Variants in NEK5 observed in about 807,000 individuals in gnomAD.
NEK5 encodes the protein serine/threonine-protein kinase Nek5.
Under a neutral mutation model 109.2 loss-of-function variants are expected in NEK5, and 88 were observed. The ratio of observed to expected loss-of-function variants is 0.81; its 90% CI spans 0.68 to 0.96. The LOEUF (loss-of-function observed/expected upper bound fraction) is 0.96. Among genes scored for constraint, NEK5 ranks in the 40% least tolerant of loss-of-function variants. The probability of loss-of-function intolerance (pLI) is 0.00; values close to 1 mark genes in which losing one functional copy is unlikely to be tolerated. For synonymous variants in NEK5, 283 were observed against 299.9 expected (o/e 0.94, Z 0.58); for missense variants, 834 against 920.7 (o/e 0.91, Z 1.22).
chr13:52,079,542 T>TC (rs1321228946), intron 17 of NEK5, among the ~76,000 whole-genome samples: 1 of 152,286 alleles, frequency 6.6e-6, no homozygotes, highest in East Asian at 1.9e-4. Flanking sequence ...CAGCGAGTGA[T>TC]CCGCCAGCCT....
chr13:52,071,976 TTGTC>T lies in NEK5; in HGVS notation c.1813_1816del (p.Asp605LysfsTer18). On this transcript the variant is annotated frameshift_variant, in exon 20 of 24. Transcript: ENST00000684899. LOFTEE classifies it high-confidence loss of function. ...TGGGCAGTGAAGTTTTTCAAATGCT[TTGTC>T]TGTATAATCTCCATGCTCCTTTACA... 1.2e-6 allele frequency: 2 copies of T among 1,612,890 alleles called. No individual in the cohort carries two copies. The highest frequency in any genetic ancestry group is 1.1e-5 in the South Asian group (1 of 91,022).
At chr13:52,095,503 A>G (rs115908617) in intron 12 of NEK5, among the ~76,000 whole-genome samples, 1,895 of 152,342 alleles carry the variant, frequency 0.012, 40 homozygotes, top group African/African-American at 0.044. Flanking sequence ...AATTTAATTC[A>G]TCCTCAAATC....
chr13:52,123,043 T>TG (rs1253374729), intron 3 of NEK5, among the ~76,000 whole-genome samples: 1 of 152,226 alleles, frequency 6.6e-6, no homozygotes, highest in African/African-American at 2.4e-5. Context: ...AATGGTAGGA[T>TG]GATAAGAGAA....
chr13:52,106,477 T>A (rs561997443), intron 8 of NEK5, among the ~76,000 whole-genome samples: 1 of 152,290 alleles, frequency 6.6e-6, no homozygotes, highest in Non-Finnish European at 1.5e-5. Flanking sequence ...TTAGCATTAC[T>A]GCTGAGGGCC....
chr13:52,058,068 A>C (rs957055785), intron 22 of NEK5, among the ~76,000 whole-genome samples: 2 of 151,806 alleles, frequency 1.3e-5, no homozygotes, highest in African/African-American at 4.8e-5. Flanking sequence ...GTCTCAGCCC[A>C]AAATCTCCTT....
chr13:52,089,182 A>C, intron 14 of NEK5, 65 bp downstream of exon 14: 1 of 1,033,768 alleles, frequency 9.7e-7, no homozygotes, highest in East Asian at 2.4e-5. Flanking sequence ...TTGACTTGAA[A>C]ATCTGTGAAC....
At chr13:52,055,663 A>T (rs1302193523) in intron 22 of NEK5, among the ~76,000 whole-genome samples, 1 of 151,866 alleles carries the variant, frequency 6.6e-6, no homozygotes, top group Non-Finnish European at 1.5e-5. Context: ...TAAAGAAAAG[A>T]ATTTTCAACC....
chr13:52,095,767 T>C (rs1475494206), intron 12 of NEK5, among the ~76,000 whole-genome samples: 2 of 152,134 alleles, frequency 1.3e-5, no homozygotes, highest in Non-Finnish European at 2.9e-5. Flanking sequence ...ATACCGGTAG[T>C]ATAGCTATTC....
At chr13:52,056,929 G>A (rs948928588) in intron 22 of NEK5, among the ~76,000 whole-genome samples, 36 of 152,114 alleles carry the variant, frequency 2.4e-4, no homozygotes, top group African/African-American at 5.3e-4. Flanking sequence ...CTAGCAGAAC[G>A]CAAGAAATAA....
intron 23 of NEK5, among the ~76,000 whole-genome samples, chr13:52,044,836 C>T (rs1200235095): frequency 2.0e-5 from 3 of 152,012 alleles, no homozygotes; most frequent in East Asian, 1.9e-4. Context: ...CAGTATGAAA[C>T]GAAAAGAGGC....
chr13:52,084,762 A>AGAGAGAGT (rs1228944662), intron 16 of NEK5, among the ~76,000 whole-genome samples: 22 of 47,438 alleles, frequency 4.6e-4, no homozygotes, highest in African/African-American at 1.1e-3. Flanking sequence ...AGAGAGAGAG[A>AGAGAGAGT]GTGTGTGTGT....
chr13:52,076,009 T>G lies in NEK5; in HGVS notation c.1653+54A>C, dbSNP rs1270639454. 6 of 1,149,090 alleles carry G rather than the reference T, an allele frequency of 5.2e-6. No individual in the cohort carries two copies. In the African/African-American group the frequency reaches 9.3e-5, roughly 18 times the overall value. The allele number at this position is 1,149,090 out of a possible 1,614,324, so 71.2% of individuals were successfully genotyped here. ...CATGCAGGCAACCGAGATCACAAGG[T>G]GGCTCCCCAGCCAGCTATTTAATAT... On this transcript the variant is annotated intron_variant, in intron 18 of 23. Transcript: ENST00000684899.
chr13:52,056,930 C>A (rs1395112333), intron 22 of NEK5, among the ~76,000 whole-genome samples: 1 of 151,814 alleles, frequency 6.6e-6, no homozygotes, highest in Non-Finnish European at 1.5e-5. Context: ...TAGCAGAACG[C>A]AAGAAATAAC....
At chr13:52,063,689 C>T (rs1954635576) in intron 21 of NEK5, among the ~76,000 whole-genome samples, 2 of 151,782 alleles carry the variant, frequency 1.3e-5, no homozygotes, top group Admixed American at 6.6e-5. Flanking sequence ...CCTGCCGCCC[C>T]GTCTGGGATG....
At chr13:52,125,940 C>T (rs1956057044) in intron 3 of NEK5, among the ~76,000 whole-genome samples, 2 of 152,174 alleles carry the variant, frequency 1.3e-5, no homozygotes, top group South Asian at 4.1e-4. Flanking sequence ...CCCTGGAAGC[C>T]AGTCATCTAC....
chr13:52,103,138 G>T (rs1348457246), intron 9 of NEK5, among the ~76,000 whole-genome samples: 1 of 152,054 alleles, frequency 6.6e-6, no homozygotes, highest in Non-Finnish European at 1.5e-5. Context: ...AGCAATAAAG[G>T]TACACATTGG....
intron 22 of NEK5, among the ~76,000 whole-genome samples, chr13:52,058,909 T>C (rs1382966670): frequency 1.4e-3 from 214 of 150,960 alleles, no homozygotes; most frequent in African/African-American, 4.9e-3. Flanking sequence ...ACTTCATGTC[T>C]AAAACACCAA....
Position 52,108,298 on chromosome 13 carries a change from A to G in NEK5, c.554+20T>C. The G allele has an allele frequency of 6.8e-7, 1 of 1,477,434 alleles. No homozygotes were observed. Among genetic ancestry groups the G allele is most frequent in the South Asian group, 1.2e-5 (1 of 85,192 alleles). The allele number at this position is 1,477,434 out of a possible 1,614,324, so 91.5% of individuals were successfully genotyped here. The stretch of plus-strand genomic sequence containing the variant: ...CATCAGATTTTACTGACACTTTCAA[A>G]CTAAGAGTCAGCAACTTACGTTTTA... On this transcript the variant is annotated intron_variant, in intron 8 of 23. Coordinates refer to ENST00000684899, the MANE Select transcript of NEK5 (RefSeq NM_001365552.1).
Position 52,065,221 on chromosome 13 carries a change from C to A in NEK5, c.1975+263G>T. 5 of 527,320 alleles carry A rather than the reference C, an allele frequency of 9.5e-6. No homozygotes were observed. In the South Asian group the frequency reaches 1.6e-4, roughly 16 times the overall value. The allele number at this position is 527,320 out of a possible 1,614,324, so 32.7% of individuals were successfully genotyped here. A position where few individuals can be genotyped will look rare whatever the true frequency, so the allele number is the denominator to read the frequency against. ...ATCAAGTCAGCTGTCCTTCCTCACGCATTTTCCCTCACTCTGAGGAAGGTG... is the reference window on the plus strand; with the variant it reads ...ATCAAGTCAGCTGTCCTTCCTCACGAATTTTCCCTCACTCTGAGGAAGGTG... On this transcript the variant is annotated intron_variant, in intron 21 of 23. Coordinates refer to ENST00000684899, the MANE Select transcript of NEK5 (RefSeq NM_001365552.1).
Sources: allele counts gnomAD v4.1 joint callset (sites outside exome capture counted in the v4.1 genomes callset), GRCh38; gene constraint gnomAD v4.1.1; transcripts MANE v1.5; gene names NCBI Gene and HGNC (gene_info 2026-07-23, HGNC 2026-07-21).